Variants in FSTL4 observed in about 807,000 individuals in gnomAD.
FSTL4 encodes follistatin like 4.
In FSTL4, 28 loss-of-function variants were observed where a neutral mutation model predicts 78.2. The observed-to-expected ratio is 0.36, with a 90% confidence interval of 0.27 to 0.49. The LOEUF (loss-of-function observed/expected upper bound fraction) is 0.49, where lower values mean the gene tolerates loss of function less well. Among genes scored for constraint, FSTL4 ranks in the 20% least tolerant of loss-of-function variants. The pLI, the probability that FSTL4 is intolerant of heterozygous loss-of-function variation, is 0.98. For missense variants in FSTL4, 922 were observed against 1,084.9 expected, an observed-to-expected ratio of 0.85 and a Z score of 2.11; for synonymous variants, 422 against 440.5, an observed-to-expected ratio of 0.96 and a Z score of 0.53.
the FSTL4 span, among the ~76,000 whole-genome samples, chr5:133,675,032 A>G: frequency 1.3e-5 from 2 of 152,210 alleles, no homozygotes; most frequent in African/African-American, 4.8e-5. Flanking sequence ...AAACAAACTT[A>G]AAAATCAGGT....
the FSTL4 span, among the ~76,000 whole-genome samples, chr5:133,708,514 G>A: frequency 6.6e-6 from 1 of 152,092 alleles, no homozygotes. Context: ...GGACCTGACC[G>A]TTCCTCCTCC....
intron 4 of FSTL4, among the ~76,000 whole-genome samples, chr5:133,317,502 G>A (rs759071274): frequency 1.3e-5 from 2 of 152,226 alleles, no homozygotes; most frequent in East Asian, 1.9e-4. Context: ...TGGAGAATAC[G>A]CATGGGCTCC....
chr5:133,198,335 G>A lies in FSTL4; in HGVS notation c.*760C>T, dbSNP rs1370923064. 1.1e-4 allele frequency: 17 copies of A among 152,566 alleles called. No individual in the cohort carries two copies. The highest frequency in any genetic ancestry group is 1.1e-3 in the Admixed American group (17 of 15,272). 9.5% of individuals were successfully genotyped at this position (152,566 alleles called of 1,614,324 possible). On this transcript the variant is annotated 3_prime_UTR_variant, in exon 16 of 16. Coordinates refer to ENST00000265342, the MANE Select transcript of FSTL4 (RefSeq NM_015082.2). ...GAAGCAGGGTGGCAATAGTCGACAG[G>A]GCCAGTATTCTCAGATGACCATTGT...
intron 3 of FSTL4, among the ~76,000 whole-genome samples, chr5:133,537,077 C>T (rs1759364826): frequency 6.6e-6 from 1 of 152,154 alleles, no homozygotes; most frequent in Non-Finnish European, 1.5e-5. Flanking sequence ...CAAGCTTCTG[C>T]TCTCACCAGC....
chr5:133,666,605 A>G, the FSTL4 span, among the ~76,000 whole-genome samples: 1 of 151,410 alleles, frequency 6.6e-6, no homozygotes, highest in Non-Finnish European at 1.5e-5. Context: ...GTCTGTTTCC[A>G]GAACCCTGGT....
At chr5:133,713,304 T>C in the FSTL4 span, among the ~76,000 whole-genome samples, 1 of 152,234 alleles carries the variant, frequency 6.6e-6, no homozygotes, top group Non-Finnish European at 1.5e-5. Flanking sequence ...TAACATTTGC[T>C]TTAGACAAAC....
intron 7 of FSTL4, among the ~76,000 whole-genome samples, chr5:133,235,905 T>C (rs1369306702): frequency 6.6e-6 from 1 of 152,152 alleles, no homozygotes; most frequent in African/African-American, 2.4e-5. Flanking sequence ...GTTTCCTGTG[T>C]CAAAACTTAA....
chr5:133,297,886 G>A (rs1434973187), intron 6 of FSTL4, among the ~76,000 whole-genome samples: 1 of 152,154 alleles, frequency 6.6e-6, no homozygotes, highest in Non-Finnish European at 1.5e-5. Context: ...TGCAGCGTCG[G>A]GACCAACAGT....
intron 3 of FSTL4, among the ~76,000 whole-genome samples, chr5:133,543,969 T>G (rs1002695552): frequency 6.6e-6 from 1 of 152,086 alleles, no homozygotes; most frequent in Non-Finnish European, 1.5e-5. Context: ...CCCTCTATAC[T>G]TATCAAAATT....
intron 3 of FSTL4, among the ~76,000 whole-genome samples, chr5:133,523,039 A>G (rs1191169842): frequency 6.7e-6 from 1 of 149,684 alleles, no homozygotes; most frequent in African/African-American, 2.5e-5. Flanking sequence ...CAGTGTTACT[A>G]TATTTGGAGT....
the FSTL4 span, among the ~76,000 whole-genome samples, chr5:133,680,306 T>C: frequency 1.3e-5 from 2 of 152,180 alleles, no homozygotes; most frequent in Non-Finnish European, 2.9e-5. Flanking sequence ...TCCTCCGCAC[T>C]CTATAGCATG....
At chr5:133,728,909 T>C in the FSTL4 span, among the ~76,000 whole-genome samples, 1 of 151,886 alleles carries the variant, frequency 6.6e-6, no homozygotes, top group African/African-American at 2.4e-5. Flanking sequence ...AAAGTGTAGC[T>C]CAGCTAGTCA....
Position 133,361,665 on chromosome 5 carries a change from C to T in FSTL4, c.409+39073G>A, listed in dbSNP as rs1270027139. On this transcript the variant is annotated intron_variant, in intron 4 of 15. Transcript: ENST00000265342. This position sits in a 1 kb window ranked among gnomAD's most constrained non-coding sequence, Gnocchi z 4.3. Reference sequence around the variant, plus strand: ...ACCCAAAGGAGGTGTCAAATGCCTTCTAGTCCTGACAAGTTTCTCCCTCTA... The same window carrying T: ...ACCCAAAGGAGGTGTCAAATGCCTTTTAGTCCTGACAAGTTTCTCCCTCTA... Among the ~76,000 whole-genome samples, 1 of 152,220 alleles carries T rather than the reference C, an allele frequency of 6.6e-6. No homozygotes were observed. The highest frequency in any genetic ancestry group is 1.5e-5 in the Non-Finnish European group (1 of 68,042).
the FSTL4 span, among the ~76,000 whole-genome samples, chr5:133,783,012 A>G: frequency 1.2e-3 from 183 of 152,280 alleles, no homozygotes; most frequent in African/African-American, 3.0e-3. Flanking sequence ...TGCAATGTCA[A>G]TTCTCAGCAC....
chr5:133,825,173 C>T, the FSTL4 span, among the ~76,000 whole-genome samples: 1 of 152,134 alleles, frequency 6.6e-6, no homozygotes, highest in Admixed American at 6.5e-5. Context: ...AAAACCAGGC[C>T]TCAGGTCTCC....
At chr5:133,714,571 T>C in the FSTL4 span, among the ~76,000 whole-genome samples, 21 of 152,280 alleles carry the variant, frequency 1.4e-4, no homozygotes, top group Admixed American at 5.9e-4. Flanking sequence ...ACCTGGAGAA[T>C]TGAAAAATCT....
At chr5:133,209,108 CTCTGT>C in intron 14 of FSTL4, among the ~76,000 whole-genome samples, 1 of 152,246 alleles carries the variant, frequency 6.6e-6, no homozygotes, top group African/African-American at 2.4e-5. Context: ...TGGGCTGGTA[CTCTGT>C]TCTGAGTGGC....
intron 3 of FSTL4, among the ~76,000 whole-genome samples, chr5:133,463,184 C>A (rs760797949): frequency 6.6e-6 from 1 of 152,316 alleles, no homozygotes; most frequent in East Asian, 1.9e-4. Context: ...TACCTGGTGA[C>A]AGAGATTTGA....
At position 133,211,166 on chromosome 5, in the gene FSTL4, C is replaced by T. The variant is rs116331712; in HGVS notation, c.1609-868G>A. On this transcript the variant is annotated intron_variant, in intron 13 of 15. Transcript: ENST00000265342. Reference sequence around the variant, plus strand: ...GACGTGCTCTTTTTTAACTGCAGTACTGCTATCCCCTGATGATATAGCTTC... The same window carrying T: ...GACGTGCTCTTTTTTAACTGCAGTATTGCTATCCCCTGATGATATAGCTTC... Among the ~76,000 whole-genome samples, 411 of 152,356 alleles carry T rather than the reference C, an allele frequency of 2.7e-3. 5 individuals carry two copies. The highest frequency in any genetic ancestry group is 9.3e-3 in the African/African-American group (385 of 41,576).
Sources: allele counts gnomAD v4.1 joint callset (sites outside exome capture counted in the v4.1 genomes callset), GRCh38; gene constraint gnomAD v4.1.1; non-coding constraint Gnocchi (gnomAD v3.1); transcripts MANE v1.5; gene names NCBI Gene and HGNC (gene_info 2026-07-23, HGNC 2026-07-21).